SCN11A: variants seen among roughly 807,000 people sequenced by gnomAD.
The protein encoded by SCN11A is sodium voltage-gated channel alpha subunit 11, also known as sodium channel protein type 11 subunit alpha.
Under a neutral mutation model 162.2 loss-of-function variants are expected in SCN11A, and 122 were observed. The observed-to-expected ratio is 0.75, with a 90% CI of 0.65 to 0.87. The LOEUF (loss-of-function observed/expected upper bound fraction) is 0.87, where lower values mean the gene tolerates loss of function less well. Among genes scored for constraint, SCN11A ranks in the 40% least tolerant of loss-of-function variants. SCN11A has a pLI of 0.00. For synonymous variants in SCN11A, 758 were observed against 751.5 expected, an observed-to-expected ratio of 1.01 and a Z score of -0.14; for missense variants, 2,015 against 2,181.6, an observed-to-expected ratio of 0.92 and a Z score of 1.52.
rs1028414563 is a variant in SCN11A at position 39,051,879 on chromosome 3, G to A, written c.-422C>T. On this transcript the variant is annotated 5_prime_UTR_variant, in exon 1 of 30. Transcript: ENST00000302328. ...CATCTACCTCATCACATGGCTACCG[G>A]CCACACAGCAACTAACAGCACCGAG... 2 of 921,394 alleles carry A rather than the reference G, an allele frequency of 2.2e-6. No individual in the cohort carries two copies. The highest frequency in any genetic ancestry group is 3.3e-5 in the African/African-American group (2 of 60,108). The allele number at this position is 921,394 out of a possible 1,614,324, so 57.1% of individuals were successfully genotyped here. A position where few individuals can be genotyped will look rare whatever the true frequency, so the allele number is the denominator to read the frequency against.
At chr3:39,038,074 G>A in intron 1 of SCN11A, among the ~76,000 whole-genome samples, 1 of 152,220 alleles carries the variant, frequency 6.6e-6, no homozygotes, top group Non-Finnish European at 1.5e-5. Context: ...TGTGAGAGCT[G>A]TGAAGGCGCT....
At chr3:39,021,719 G>A (rs972338997) in intron 2 of SCN11A, among the ~76,000 whole-genome samples, 12 of 152,164 alleles carry the variant, frequency 7.9e-5, no homozygotes, top group Non-Finnish European at 1.5e-5. Context: ...GTGGGCAAGG[G>A]AAGGATTCTT....
At chr3:38,922,178 T>G (rs1434927792) in intron 9 of SCN11A, among the ~76,000 whole-genome samples, 1 of 152,192 alleles carries the variant, frequency 6.6e-6, no homozygotes, top group Admixed American at 6.5e-5. Context: ...TTTCAATTGA[T>G]TAGCATAGAG....
intron 7 of SCN11A, among the ~76,000 whole-genome samples, chr3:38,944,077 C>T: frequency 6.6e-6 from 1 of 151,972 alleles, no homozygotes; most frequent in East Asian, 1.9e-4. Flanking sequence ...ATCACATGTA[C>T]CCTGAAATGT....
At chr3:38,926,661 G>T in intron 8 of SCN11A, 142 bp downstream of exon 8, 2 of 840,604 alleles carry the variant, frequency 2.4e-6, no homozygotes, top group Middle Eastern at 2.5e-4. Flanking sequence ...GCTGTTCAGG[G>T]CCAACCAACA....
At chr3:38,984,892 GACCTTGACTCAGAA>G (rs1356044816) in intron 2 of SCN11A, among the ~76,000 whole-genome samples, 1 of 151,384 alleles carries the variant, frequency 6.6e-6, no homozygotes, top group African/African-American at 2.5e-5. Context: ...CAAATGCAAA[GACCTTGACTCAGAA>G]ACACATTCAA....
At chr3:38,957,675 C>G (rs2066698878) in intron 3 of SCN11A, among the ~76,000 whole-genome samples, 1 of 152,140 alleles carries the variant, frequency 6.6e-6, no homozygotes, top group Non-Finnish European at 1.5e-5. Flanking sequence ...GTAGACTGGC[C>G]CACTCCTGCC....
At chr3:39,002,288 ATTTAT>A (rs1403401617) in intron 2 of SCN11A, among the ~76,000 whole-genome samples, 1 of 152,200 alleles carries the variant, frequency 6.6e-6, no homozygotes, top group East Asian at 1.9e-4. Flanking sequence ...AAATATTGTG[ATTTAT>A]TTTGTCTATA....
intron 1 of SCN11A, among the ~76,000 whole-genome samples, chr3:39,041,576 C>T (rs1164634932): frequency 1.3e-5 from 2 of 152,108 alleles, no homozygotes; most frequent in African/African-American, 2.4e-5. Context: ...AAGAAAAAAA[C>T]TGCCAAGCAA....
chr3:38,888,577 T>A (rs2065440613), intron 19 of SCN11A, among the ~76,000 whole-genome samples: 3 of 152,204 alleles, frequency 2.0e-5, no homozygotes, highest in Admixed American at 2.0e-4. Context: ...TAGAATTTAA[T>A]AAAGAAGTTA....
chr3:39,007,055 AG>A (rs1358869234), intron 2 of SCN11A, among the ~76,000 whole-genome samples: 1 of 152,178 alleles, frequency 6.6e-6, no homozygotes, highest in East Asian at 1.9e-4. Context: ...GAAAAATTCA[AG>A]AAATTTTCCC....
rs975555515 is a variant in SCN11A at position 39,006,492 on chromosome 3, A to G, written c.-280+25888T>C. Among the ~76,000 whole-genome samples the G allele has an allele frequency of 2.6e-5, 4 of 152,196 alleles. No homozygotes were observed. The East Asian group carries it at 7.7e-4, about 29-fold the overall frequency. ...TATATAACCAATCAAGAATCAACAG[A>G]CATCTGGGAGCTTTTTTATGAAAGA... is the stretch of plus-strand genomic sequence containing the variant. On this transcript the variant is annotated intron_variant, in intron 2 of 29. Transcript: ENST00000302328.
intron 26 of SCN11A, among the ~76,000 whole-genome samples, chr3:38,868,977 G>A (rs1454061436): frequency 1.3e-5 from 2 of 152,164 alleles, no homozygotes; most frequent in Non-Finnish European, 2.9e-5. Flanking sequence ...AGGGACCATG[G>A]GGAGGATATG....
Position 38,950,218 on chromosome 3 carries a change from G to T in SCN11A, c.145C>A (p.Gln49Lys). ...KSKDQTGEVP[Q>K]PRPQLDLKAS... ...TTTAGGTCAAGCTGAGGCCGAGGCT[G>T]GGGTACTTCTCCTGTCTGGTCTTTA... The change falls in exon 5 of 30, where the codon CAG (glutamine) becomes AAG (lysine). Residue 49 changes from glutamine to lysine, a missense_variant. Transcript: ENST00000302328. 1.2e-6 allele frequency: 2 copies of T among 1,614,004 alleles called. No individual in the cohort carries two copies. Among genetic ancestry groups the T allele is most frequent in the Non-Finnish European group, 1.7e-6 (2 of 1,180,000 alleles).
intron 11 of SCN11A, among the ~76,000 whole-genome samples, chr3:38,918,601 G>C (rs2065997715): frequency 6.6e-6 from 1 of 152,128 alleles, no homozygotes; most frequent in South Asian, 2.1e-4. Flanking sequence ...CAAAATGTTG[G>C]GGAGCTTTCT....
chr3:38,864,977 G>C (rs745625053), intron 27 of SCN11A, among the ~76,000 whole-genome samples: 1 of 152,110 alleles, frequency 6.6e-6, no homozygotes, highest in African/African-American at 2.4e-5. Context: ...TGAATTTAAA[G>C]AACTCACATT....
At chr3:39,011,795 AC>A in intron 2 of SCN11A, among the ~76,000 whole-genome samples, 1 of 152,236 alleles carries the variant, frequency 6.6e-6, no homozygotes, top group African/African-American at 2.4e-5. Context: ...TCTCATCCTA[AC>A]CAAGTCACTT....
Position 38,894,837 on chromosome 3 carries a change from C to A in SCN11A, c.2531G>T (p.Cys844Phe). 1 of 1,614,166 alleles carries A rather than the reference C, an allele frequency of 6.2e-7. No homozygotes were observed. The highest frequency in any genetic ancestry group is 1.1e-5 in the South Asian group (1 of 91,086). Residue 844 changes from cysteine (C) to phenylalanine (F), a missense_variant, in exon 19 of 30, where the codon TGT becomes TTT. Coordinates refer to ENST00000302328, the MANE Select transcript of SCN11A (RefSeq NM_001349253.2). ...ATGCTCAAGAGTGTGTCTCACAAAACAAAAAGCCCGGCGGAATCGATCCAG... is the reference window on the plus strand; with the variant it reads ...ATGCTCAAGAGTGTGTCTCACAAAAAAAAAAGCCCGGCGGAATCGATCCAG... ...LALDRFRRAF[C>F]FVRHTLEHFC...
chr3:39,010,402 CAG>C lies in SCN11A; in HGVS notation c.-280+21976_-280+21977del, dbSNP rs537093584. ...TCTTTTTTCTTTTTTTTTTTTGAGA[CAG>C]AGTTTCGCTTTGTTCCCCAAGCTGG... On this transcript the variant is annotated intron_variant, in intron 2 of 29. Coordinates refer to ENST00000302328, the MANE Select transcript of SCN11A (RefSeq NM_001349253.2). Among the ~76,000 whole-genome samples, 72 of 136,618 alleles carry C rather than the reference CAG, an allele frequency of 5.3e-4. 1 individual carries two copies. Among genetic ancestry groups the C allele is most frequent in the African/African-American group, 2.0e-3 (66 of 32,944 alleles). The allele number at this position is 136,618 out of a possible 152,430, so 89.6% of individuals were successfully genotyped here.
Sources: gnomAD v4.1 joint callset for allele counts (sites outside exome capture counted in the v4.1 genomes callset) on GRCh38, gnomAD v4.1.1 for gene constraint, MANE v1.5 for transcripts, NCBI Gene and HGNC (gene_info 2026-07-23, HGNC 2026-07-21) for gene names.